The following PLCH1 variants were observed in gnomAD, a reference collection of about 807,000 sequenced individuals.
The protein encoded by PLCH1 is phospholipase C eta 1.
PLCH1 carries 60 observed loss-of-function variants against 126.7 expected under a neutral mutation model. The ratio of observed to expected loss-of-function variants is 0.47; its 90% CI spans 0.38 to 0.59. The LOEUF (loss-of-function observed/expected upper bound fraction) is 0.59, where lower values mean the gene tolerates loss of function less well. Ranked by LOEUF, PLCH1 falls within the 20% of genes least tolerant of loss-of-function variation. The probability of loss-of-function intolerance (pLI) is 0.00; values close to 1 mark genes in which losing one functional copy is unlikely to be tolerated. For synonymous variants in PLCH1, 719 were observed against 734.9 expected (o/e 0.98, Z 0.35); for missense variants, 1,723 against 2,040.0 (o/e 0.84, Z 2.99).
chr3:155,595,132 C>T (rs989110486), intron 3 of PLCH1, among the ~76,000 whole-genome samples: 14 of 152,098 alleles, frequency 9.2e-5, no homozygotes, highest in African/African-American at 3.4e-4. Context: ...GATTGGAAAG[C>T]TCAACAGGGA....
Position 155,549,817 on chromosome 3 carries a change from A to G in PLCH1, c.1332T>C (p.Pro444=). ...DTGECKQLPS[P]QSLKGKILVK... ...CTAGAATTTTGCCTTTCAAACTTTG[A>G]GGGCTTGGAAGCTGCTTGCACTCCC... Residue 444 remains proline, a synonymous_variant, in exon 10 of 23, where the codon CCT becomes CCC. Coordinates refer to ENST00000460012, the MANE Select transcript of PLCH1 (RefSeq NM_014996.4). The G allele has an allele frequency of 3.1e-6, 5 of 1,612,668 alleles. No individual in the cohort carries two copies. The highest frequency in any genetic ancestry group is 4.2e-6 in the Non-Finnish European group (5 of 1,179,612).
At position 155,554,057 on chromosome 3, in the gene PLCH1, C is replaced by T. The variant is rs1245433714; in HGVS notation, c.1190+19G>A. The T allele has an allele frequency of 6.2e-7, 1 of 1,612,214 alleles. No individual in the cohort carries two copies. Among genetic ancestry groups the T allele is most frequent in the African/African-American group, 1.3e-5 (1 of 75,012 alleles). On this transcript the variant is annotated intron_variant, in intron 9 of 22. Coordinates refer to ENST00000460012, the MANE Select transcript of PLCH1 (RefSeq NM_014996.4). ...ATGCGGGAGGCTACCGCTTAGCTCA[C>T]AGGTGCTGCTTTACTTACTCATTCT... is the stretch of plus-strand genomic sequence containing the variant.
At chr3:155,555,535 G>C (rs1189376643) in intron 8 of PLCH1, among the ~76,000 whole-genome samples, 1 of 152,186 alleles carries the variant, frequency 6.6e-6, no homozygotes, top group East Asian at 1.9e-4. Context: ...ATAAACTTCA[G>C]TTGTTTTAAG....
chr3:155,561,481 G>A (rs1355854818), intron 8 of PLCH1, among the ~76,000 whole-genome samples: 1 of 151,588 alleles, frequency 6.6e-6, no homozygotes, highest in Non-Finnish European at 1.5e-5. Context: ...TTTTATGGCT[G>A]CATAGTATTC....
chr3:155,504,888 G>T (rs545381821), intron 12 of PLCH1, among the ~76,000 whole-genome samples: 1 of 152,322 alleles, frequency 6.6e-6, no homozygotes, highest in South Asian at 2.1e-4. Context: ...CAAAGCTGAG[G>T]TCAAGGGCTC....
intron 2 of PLCH1, among the ~76,000 whole-genome samples, chr3:155,678,210 C>A (rs1044151121): frequency 6.6e-6 from 1 of 152,220 alleles, no homozygotes; most frequent in South Asian, 2.1e-4. Flanking sequence ...ATCCCTCTCA[C>A]CTCTTGCTCC....
At chr3:155,500,004 G>A (rs1465217504) in intron 14 of PLCH1, among the ~76,000 whole-genome samples, 1 of 151,838 alleles carries the variant, frequency 6.6e-6, no homozygotes, top group African/African-American at 2.4e-5. Context: ...TTCAATAAAG[G>A]CAAAAGTGTG....
intron 2 of PLCH1, among the ~76,000 whole-genome samples, chr3:155,641,553 T>C (rs1739403292): frequency 1.3e-5 from 2 of 152,134 alleles, no homozygotes; most frequent in South Asian, 4.1e-4. Flanking sequence ...AAAAAGGATG[T>C]TAACAAGCAA....
At chr3:155,677,308 TC>T (rs1447847659) in intron 2 of PLCH1, among the ~76,000 whole-genome samples, 5 of 152,196 alleles carry the variant, frequency 3.3e-5, no homozygotes, top group Non-Finnish European at 7.4e-5. Flanking sequence ...CCAAGCTCTA[TC>T]CCAGATCCAA....
chr3:155,689,813 G>A (rs999344748), intron 2 of PLCH1, among the ~76,000 whole-genome samples: 6 of 152,012 alleles, frequency 3.9e-5, no homozygotes, highest in Admixed American at 3.9e-4. Flanking sequence ...AAATCTAAAA[G>A]TTATTGGCCT....
intron 11 of PLCH1, among the ~76,000 whole-genome samples, chr3:155,518,902 G>A (rs1315848161): frequency 2.6e-5 from 4 of 152,258 alleles, no homozygotes; most frequent in East Asian, 1.9e-4. Context: ...CTGTCAGCAA[G>A]GAAAGGCTCA....
chr3:155,470,730 G>A (rs961845768), intron 21 of PLCH1, among the ~76,000 whole-genome samples: 38 of 151,926 alleles, frequency 2.5e-4, no homozygotes, highest in East Asian at 1.3e-3. Flanking sequence ...CGGATCTCTC[G>A]GCAGAAACCC....
At chr3:155,619,994 A>T (rs996767098) in intron 2 of PLCH1, among the ~76,000 whole-genome samples, 2 of 152,268 alleles carry the variant, frequency 1.3e-5, no homozygotes, top group Non-Finnish European at 2.9e-5. Context: ...CTTTAAAAAA[A>T]TTAAATAACA....
intron 11 of PLCH1, among the ~76,000 whole-genome samples, chr3:155,519,744 A>T (rs908715997): frequency 7.1e-5 from 10 of 141,370 alleles, no homozygotes; most frequent in Middle Eastern, 3.4e-3. Flanking sequence ...ACTTTGCATT[A>T]AAAAAAAAAA....
At chr3:155,672,706 G>C (rs1030749016) in intron 2 of PLCH1, among the ~76,000 whole-genome samples, 1 of 152,148 alleles carries the variant, frequency 6.6e-6, no homozygotes, top group Non-Finnish European at 1.5e-5. Flanking sequence ...TTTCTTATCA[G>C]GCAATGACTT....
intron 1 of PLCH1, among the ~76,000 whole-genome samples, chr3:155,730,327 G>A (rs1455654884): frequency 1.3e-5 from 2 of 151,898 alleles, no homozygotes; most frequent in Non-Finnish European, 2.9e-5. Context: ...TTTCACCCAG[G>A]CGGGAGTGCA....
chr3:155,485,021 C>T (rs1714817897), intron 22 of PLCH1, among the ~76,000 whole-genome samples: 1 of 152,152 alleles, frequency 6.6e-6, no homozygotes, highest in African/African-American at 2.4e-5. Context: ...ACCCTCAAAA[C>T]AAATCAGTAA....
At chr3:155,716,801 A>G (rs938505633) in intron 1 of PLCH1, among the ~76,000 whole-genome samples, 10 of 152,140 alleles carry the variant, frequency 6.6e-5, no homozygotes, top group South Asian at 6.2e-4. Context: ...TGGCCCCCCA[A>G]ATCTCATGTC....
intron 2 of PLCH1, among the ~76,000 whole-genome samples, chr3:155,607,863 T>C (rs570407244): frequency 6.6e-6 from 1 of 152,198 alleles, no homozygotes; most frequent in Admixed American, 6.5e-5. Context: ...AGACTCACAC[T>C]GTGAAATTCT....
Sources: gnomAD v4.1 joint callset for allele counts (sites outside exome capture counted in the v4.1 genomes callset) on GRCh38, gnomAD v4.1.1 for gene constraint, MANE v1.5 for transcripts, NCBI Gene and HGNC (gene_info 2026-07-23, HGNC 2026-07-21) for gene names.